Variants in ACSM4 observed in about 807,000 individuals in gnomAD.
ACSM4 encodes acyl-CoA synthetase medium chain family member 4.
ACSM4 carries 66 observed loss-of-function variants against 73.0 expected under a neutral mutation model. The ratio of observed to expected loss-of-function variants is 0.90; its 90% CI spans 0.74 to 1.11. The LOEUF (loss-of-function observed/expected upper bound fraction) is 1.11. ACSM4 is among the 50% of genes least tolerant of loss of function. The pLI is 0.00. For synonymous variants in ACSM4, 222 were observed against 254.0 expected (o/e 0.87, Z 1.20); for missense variants, 645 against 714.4 (o/e 0.90, Z 1.11).
chr12:7,320,382 G>A (rs967485614), intron 5 of ACSM4, among the ~76,000 whole-genome samples: 11 of 152,214 alleles, frequency 7.2e-5, no homozygotes, highest in African/African-American at 2.2e-4. Context: ...TATATTGGCA[G>A]GAGGTTACAA....
chr12:7,313,951 T>C (rs1205482390), intron 3 of ACSM4, among the ~76,000 whole-genome samples: 25 of 152,136 alleles, frequency 1.6e-4, no homozygotes, highest in Admixed American at 1.6e-3. Flanking sequence ...AAGGTCAGGT[T>C]TGGATTTTAA....
chr12:7,322,991 C>T (rs1439641976), intron 7 of ACSM4, among the ~76,000 whole-genome samples: 1 of 152,118 alleles, frequency 6.6e-6, no homozygotes, highest in Admixed American at 6.5e-5. Context: ...CATTCCACAC[C>T]TAATGAATCA....
At chr12:7,306,493 T>C (rs753031078) in intron 1 of ACSM4, 40 bp from the exon 2 acceptor site, 17 of 1,537,836 alleles carry the variant, frequency 1.1e-5, no homozygotes, top group Non-Finnish European at 1.5e-5. Flanking sequence ...TAATCAGTCA[T>C]GTAAACCTAC....
Position 7,324,161 on chromosome 12 carries a change from A to G in ACSM4, c.1309-112A>G. The G allele has an allele frequency of 5.8e-6, 8 of 1,372,430 alleles. No homozygotes were observed. The South Asian group carries it at 1.2e-4, about 21-fold the overall frequency. The allele number at this position is 1,372,430 out of a possible 1,614,324, so 85.0% of individuals were successfully genotyped here. On this transcript the variant is annotated intron_variant, in intron 9 of 12. Coordinates refer to ENST00000399422, the MANE Select transcript of ACSM4 (RefSeq NM_001080454.2). The stretch of plus-strand genomic sequence containing the variant: ...ACAGAGAGAGACTCTGTCTCAAAAA[A>G]AAAAAAATTTCCTATATAAGTAGGA...
Position 7,310,625 on chromosome 12 carries a change from G to T in ACSM4, c.499G>T (p.Ala167Ser), listed in dbSNP as rs772737209. 3 of 1,613,128 alleles carry T rather than the reference G, an allele frequency of 1.9e-6. No individual in the cohort carries two copies. In the African/African-American group the frequency reaches 4.0e-5, roughly 22 times the overall value. Residue 167 changes from alanine to serine, a missense_variant, in exon 3 of 13, where the codon GCC becomes TCC. Ala to Ser is a moderately conservative substitution (Grantham distance 99). Transcript: ENST00000399422. ...LRASKAKCIV[A>S]SEEVAPAVES... is the part of the protein sequence containing the mutation. The stretch of plus-strand genomic sequence containing the variant: ...AGCATCCAAGGCCAAGTGCATTGTG[G>T]CCAGTGAGGAGGTGGCCCCAGCGGT...
chr12:7,317,026 C>T, intron 3 of ACSM4, 111 bp from the exon 4 acceptor site: 2 of 1,342,342 alleles, frequency 1.5e-6, no homozygotes, highest in Non-Finnish European at 2.0e-6. Context: ...AGGTTCAGTT[C>T]TGTTAACTAT....
chr12:7,324,897 G>A (rs1308823951), intron 11 of ACSM4, among the ~76,000 whole-genome samples: 1 of 151,460 alleles, frequency 6.6e-6, no homozygotes, highest in African/African-American at 2.4e-5. Context: ...CACATCCAAA[G>A]GTTCATGTGA....
intron 11 of ACSM4, among the ~76,000 whole-genome samples, chr12:7,324,951 CTTTGTTATG>C (rs1946493099): frequency 6.6e-6 from 1 of 152,066 alleles, no homozygotes; most frequent in Non-Finnish European, 1.5e-5. Flanking sequence ...CTCTGCTATT[CTTTGTTATG>C]GCTCCAGTTG....
intron 11 of ACSM4, among the ~76,000 whole-genome samples, chr12:7,326,359 T>G (rs1946505743): frequency 6.6e-6 from 1 of 152,174 alleles, no homozygotes; most frequent in Non-Finnish European, 1.5e-5. Flanking sequence ...TGTGCACAAC[T>G]GCACCCTGGT....
intron 5 of ACSM4, 138 bp downstream of exon 5, chr12:7,318,320 G>T: frequency 8.9e-7 from 1 of 1,119,576 alleles, no homozygotes; most frequent in Non-Finnish European, 1.2e-6. Flanking sequence ...AAAGTCTCAA[G>T]GGCCTCAGCT....
At position 7,323,123 on chromosome 12, in the gene ACSM4, C is replaced by T. The variant is rs144918024; in HGVS notation, c.1126-111C>T. 579 of 940,444 alleles carry T rather than the reference C, an allele frequency of 6.2e-4. 2 individuals carry two copies. The African/African-American group carries it at 8.4e-3, about 14-fold the overall frequency. 58.3% of individuals were successfully genotyped at this position (940,444 alleles called of 1,614,324 possible). On this transcript the variant is annotated intron_variant, in intron 7 of 12. Transcript: ENST00000399422. Reference sequence around the variant, plus strand: ...TTCAAATAATATATTTCAGAAGGTGCGCCTGCATACCAGGAAAATCAGTCA... The same window carrying T: ...TTCAAATAATATATTTCAGAAGGTGTGCCTGCATACCAGGAAAATCAGTCA...
chr12:7,324,322 C>T lies in ACSM4; in HGVS notation c.1358C>T (p.Thr453Ile), dbSNP rs763793038. The stretch of plus-strand genomic sequence containing the variant: ...ACGATAAGAGGAGATTTTTATGTCA[C>T]TGGAGACAGAGGAGTGATGGACAGT... Reference protein sequence around the residue: ...AATIRGDFYVTGDRGVMDSDG... With the variant: ...AATIRGDFYVIGDRGVMDSDG... Residue 453 changes from threonine (T) to isoleucine (I), a missense_variant, in exon 10 of 13, where the codon ACT (threonine) becomes ATT (isoleucine). Transcript: ENST00000399422. The T allele has an allele frequency of 6.2e-7, 1 of 1,613,884 alleles. No individual in the cohort carries two copies. The highest frequency in any genetic ancestry group is 1.7e-5 in the Admixed American group (1 of 60,014).
chr12:7,306,222 T>C (rs1295793180), intron 1 of ACSM4, among the ~76,000 whole-genome samples: 1 of 152,192 alleles, frequency 6.6e-6, no homozygotes, highest in East Asian at 1.9e-4. Context: ...CATAGACAAG[T>C]TTTGTACCAA....
intron 6 of ACSM4, 111 bp downstream of exon 6, chr12:7,320,915 C>T (rs940327647): frequency 2.1e-6 from 2 of 944,892 alleles, no homozygotes; most frequent in Admixed American, 2.0e-5. Flanking sequence ...CTTACCACCA[C>T]TGACATTTTG....
chr12:7,318,810 C>T (rs781003539), intron 5 of ACSM4, among the ~76,000 whole-genome samples: 3 of 152,246 alleles, frequency 2.0e-5, no homozygotes, highest in Non-Finnish European at 4.4e-5. Context: ...TAACAAAATA[C>T]ATATTATTAC....
chr12:7,313,566 A>G (rs1440346755), intron 3 of ACSM4, among the ~76,000 whole-genome samples: 1 of 152,184 alleles, frequency 6.6e-6, no homozygotes, highest in East Asian at 1.9e-4. Flanking sequence ...ACTTTCCAGA[A>G]TATTCATAAT....
At chr12:7,304,607 T>C (rs1946351838) in intron 1 of ACSM4, 75 bp downstream of exon 1, 1 of 1,481,122 alleles carries the variant, frequency 6.8e-7, no homozygotes, top group Non-Finnish European at 9.4e-7. Flanking sequence ...TGTTCTGTGG[T>C]CTACCACTTA....
At chr12:7,319,931 G>A (rs753516504) in intron 5 of ACSM4, among the ~76,000 whole-genome samples, 3 of 152,164 alleles carry the variant, frequency 2.0e-5, no homozygotes, top group Non-Finnish European at 4.4e-5. Flanking sequence ...ATTTTTAGGT[G>A]TATACATTAC....
At chr12:7,324,722 C>A in intron 11 of ACSM4, 124 bp downstream of exon 11, 1 of 1,055,370 alleles carries the variant, frequency 9.5e-7, no homozygotes, top group Non-Finnish European at 1.4e-6. Context: ...ATGCATTTGG[C>A]CAAAATATAA....
Sources: gnomAD v4.1 joint callset for allele counts (sites outside exome capture counted in the v4.1 genomes callset) on GRCh38, gnomAD v4.1.1 for gene constraint, MANE v1.5 for transcripts, NCBI Gene and HGNC (gene_info 2026-07-23, HGNC 2026-07-21) for gene names.